The following NR3C2 variants were observed in gnomAD, a reference collection of about 807,000 sequenced individuals.
NR3C2 encodes the protein mineralocorticoid receptor.
NR3C2 carries 15 observed loss-of-function variants against 86.4 expected under a neutral mutation model. The ratio of observed to expected loss-of-function variants is 0.17; its 90% CI spans 0.12 to 0.27. The LOEUF is 0.27. NR3C2 is among the 10% of genes least tolerant of loss of function. The pLI is 1.00. For synonymous variants in NR3C2, 458 were observed against 450.5 expected (o/e 1.02, Z -0.21); for missense variants, 960 against 1,195.6 (o/e 0.80, Z 2.91).
chr4:148,203,525 A>G (rs1250844020), intron 3 of NR3C2, among the ~76,000 whole-genome samples: 1 of 151,726 alleles, frequency 6.6e-6, no homozygotes, highest in Admixed American at 6.6e-5. Context: ...GCTACATCAC[A>G]TGTCACTTAC....
intron 6 of NR3C2, among the ~76,000 whole-genome samples, chr4:148,131,944 G>C (rs1252870743): frequency 6.6e-6 from 1 of 152,016 alleles, no homozygotes; most frequent in Non-Finnish European, 1.5e-5. Flanking sequence ...ATCTAGAAGG[G>C]GCCTTGTTAT....
chr4:148,193,700 A>G (rs971113404), intron 4 of NR3C2, among the ~76,000 whole-genome samples: 4 of 152,230 alleles, frequency 2.6e-5, no homozygotes, highest in Non-Finnish European at 5.9e-5. Context: ...AATCTGCAAT[A>G]TGAAACCCAT....
In NR3C2 at chr4:148,379,345, C is replaced by T. The variant is rs1746842936; in HGVS notation, c.1757+55759G>A. ...CATATAGCTAGCTGCTCCCCTACCT[C>T]CCCACTAGGATGAGAGGAAAGGATT... On this transcript the variant is annotated intron_variant, in intron 2 of 8. Transcript: ENST00000358102. Among the ~76,000 whole-genome samples the T allele has an allele frequency of 2.6e-5, 4 of 152,210 alleles. No homozygotes were observed. The South Asian group carries it at 8.3e-4, about 32-fold the overall frequency.
chr4:148,134,635 C>CTT (rs1449918599), intron 6 of NR3C2, among the ~76,000 whole-genome samples: 25 of 67,644 alleles, frequency 3.7e-4, no homozygotes, highest in African/African-American at 1.2e-3. Flanking sequence ...TTCTCTCTCT[C>CTT]TCTCTCTCTT....
chr4:148,298,145 G>A (rs1198546591), intron 2 of NR3C2, among the ~76,000 whole-genome samples: 1 of 152,082 alleles, frequency 6.6e-6, no homozygotes, highest in Non-Finnish European at 1.5e-5. Context: ...AAGACTTGTG[G>A]TAGCATTCAA....
intron 2 of NR3C2, among the ~76,000 whole-genome samples, chr4:148,304,599 T>C (rs1021848621): frequency 3.3e-5 from 5 of 152,070 alleles, no homozygotes; most frequent in African/African-American, 1.2e-4. Context: ...GCACCTTCTG[T>C]CAGCAGGAAG....
At chr4:148,303,193 T>C (rs763061160) in intron 2 of NR3C2, among the ~76,000 whole-genome samples, 1 of 152,174 alleles carries the variant, frequency 6.6e-6, no homozygotes, top group African/African-American at 2.4e-5. Flanking sequence ...ACTTTCACAT[T>C]TGACATTAAA....
chr4:148,350,122 AGG>A (rs1476566065), intron 2 of NR3C2, among the ~76,000 whole-genome samples: 1 of 152,194 alleles, frequency 6.6e-6, no homozygotes, highest in African/African-American at 2.4e-5. Context: ...CTAATTCTAC[AGG>A]CCAGGGAATT....
chr4:148,156,557 C>T (rs1560951046), intron 4 of NR3C2, among the ~76,000 whole-genome samples: 1 of 152,098 alleles, frequency 6.6e-6, no homozygotes, highest in South Asian at 2.1e-4. Context: ...AGAAAAAATG[C>T]TCATCATCAC....
chr4:148,415,588 T>C (rs923521849), intron 2 of NR3C2, among the ~76,000 whole-genome samples: 2 of 152,174 alleles, frequency 1.3e-5, no homozygotes, highest in Non-Finnish European at 2.9e-5. Context: ...AGGGGGCATG[T>C]GCAGGGTCCA....
rs1440742170 is a variant in NR3C2, at chr4:148,415,338, G to C, written c.1757+19766C>G. ...AGGAGAAATAAATGTTAGAAATAATGATTTTTATGTAGTATTTTTATTCTG... is the reference window on the plus strand; with the variant it reads ...AGGAGAAATAAATGTTAGAAATAATCATTTTTATGTAGTATTTTTATTCTG... On this transcript the variant is annotated intron_variant, in intron 2 of 8. Coordinates refer to ENST00000358102, the MANE Select transcript of NR3C2 (RefSeq NM_000901.5). Among the ~76,000 whole-genome samples, 7 of 152,106 alleles carry C rather than the reference G, an allele frequency of 4.6e-5. 1 individual carries two copies. The highest frequency in any genetic ancestry group is 1.0e-4 in the Non-Finnish European group (7 of 68,016).
At chr4:148,098,146 T>G (rs1378181392) in intron 8 of NR3C2, among the ~76,000 whole-genome samples, 4 of 152,354 alleles carry the variant, frequency 2.6e-5, no homozygotes, top group African/African-American at 9.6e-5. Context: ...AGTGTCTTGG[T>G]GTATTGACTT....
In NR3C2 at chr4:148,235,653, ATT is replaced by A. The variant is rs560962083; in HGVS notation, c.1897+24323_1897+24324del. 3.9e-5 allele frequency among the ~76,000 whole-genome samples: 6 copies of A among 152,226 alleles called. No homozygotes were observed. In the South Asian group the frequency reaches 1.2e-3, roughly 32 times the overall value. ...CCTACTATAGGTGTACAGTCTATTGATTTTTAGTAAGTTTTATGGTTGTACAA... is the reference window on the plus strand; with the variant it reads ...CCTACTATAGGTGTACAGTCTATTGATTTAGTAAGTTTTATGGTTGTACAA... On this transcript the variant is annotated intron_variant, in intron 3 of 8. Coordinates refer to ENST00000358102, the MANE Select transcript of NR3C2 (RefSeq NM_000901.5).
At chr4:148,187,897 T>C (rs1036015291) in intron 4 of NR3C2, among the ~76,000 whole-genome samples, 6 of 152,196 alleles carry the variant, frequency 3.9e-5, no homozygotes, top group African/African-American at 1.2e-4. Flanking sequence ...GATTTTTGTA[T>C]AAGGTGAGGG....
intron 2 of NR3C2, among the ~76,000 whole-genome samples, chr4:148,419,899 C>T (rs1749195232): frequency 2.6e-5 from 4 of 152,086 alleles, no homozygotes; most frequent in Admixed American, 2.6e-4. Flanking sequence ...TGTGACCAAC[C>T]TATTTAAATA....
intron 2 of NR3C2, among the ~76,000 whole-genome samples, chr4:148,293,383 G>C (rs183002514): frequency 1.3e-5 from 2 of 152,140 alleles, no homozygotes; most frequent in Non-Finnish European, 2.9e-5. Context: ...TAAACAGATT[G>C]TTCTGTGAAC....
intron 2 of NR3C2, among the ~76,000 whole-genome samples, chr4:148,374,258 TAAATA>T (rs1746564693): frequency 1.3e-5 from 2 of 152,200 alleles, no homozygotes; most frequent in Admixed American, 6.5e-5. Flanking sequence ...GAATATAAAT[TAAATA>T]TTCACTACAT....
chr4:148,371,334 C>A (rs1313948412), intron 2 of NR3C2, among the ~76,000 whole-genome samples: 1 of 152,076 alleles, frequency 6.6e-6, no homozygotes, highest in Non-Finnish European at 1.5e-5. Flanking sequence ...CCCCCTCTTG[C>A]CTTTACTTTT....
intron 7 of NR3C2, among the ~76,000 whole-genome samples, chr4:148,116,007 C>G (rs1326748769): frequency 6.6e-6 from 1 of 152,094 alleles, no homozygotes; most frequent in Non-Finnish European, 1.5e-5. Context: ...TTAAAACCTT[C>G]TAAAAGATAG....
Sources: allele counts gnomAD v4.1 joint callset (sites outside exome capture counted in the v4.1 genomes callset), GRCh38; gene constraint gnomAD v4.1.1; transcripts MANE v1.5; gene names NCBI Gene and HGNC (gene_info 2026-07-23, HGNC 2026-07-21).